Variants in TTC28 observed in about 807,000 individuals in gnomAD.
TTC28 encodes the protein tetratricopeptide repeat protein 28.
Under a neutral mutation model 198.0 loss-of-function variants are expected in TTC28, and 61 were observed. The observed-to-expected ratio is 0.31, with a 90% CI of 0.25 to 0.38. The LOEUF (loss-of-function observed/expected upper bound fraction) is 0.38, where lower values mean the gene tolerates loss of function less well. Ranked by LOEUF, TTC28 falls within the 10% of genes least tolerant of loss-of-function variation. The pLI is 1.00. For missense variants in TTC28, 2,678 were observed against 3,164.0 expected (o/e 0.85, Z 3.69); for synonymous variants, 1,171 against 1,297.8 (o/e 0.90, Z 2.10).
intron 2 of TTC28, among the ~76,000 whole-genome samples, chr22:28,416,409 T>C (rs1424273263): frequency 6.6e-6 from 1 of 152,202 alleles, no homozygotes; most frequent in African/African-American, 2.4e-5. Flanking sequence ...CATGTGTCAA[T>C]CTGATGTGAT....
intron 5 of TTC28, among the ~76,000 whole-genome samples, 175 bp from the exon 6 acceptor site, chr22:28,163,774 C>G (rs1438302089): frequency 6.6e-6 from 1 of 152,194 alleles, no homozygotes; most frequent in African/African-American, 2.4e-5. Flanking sequence ...AACTGAGGTA[C>G]CGGGTTCATC....
At chr22:28,210,946 A>C (rs1926892016) in intron 5 of TTC28, among the ~76,000 whole-genome samples, 1 of 152,206 alleles carries the variant, frequency 6.6e-6, no homozygotes, top group Non-Finnish European at 1.5e-5. Context: ...TCAGGACAGA[A>C]ACTCTACAAG....
At chr22:28,331,198 T>TA (rs1308914858) in intron 2 of TTC28, among the ~76,000 whole-genome samples, 1 of 152,160 alleles carries the variant, frequency 6.6e-6, no homozygotes, top group Non-Finnish European at 1.5e-5. Flanking sequence ...CTGAAGCTGA[T>TA]AAAGGTTAAG....
At chr22:28,543,115 G>A (rs558715308) in intron 2 of TTC28, among the ~76,000 whole-genome samples, 262 of 152,240 alleles carry the variant, frequency 1.7e-3, no homozygotes, top group African/African-American at 6.0e-3. Context: ...TGTGAGGACT[G>A]CTTGAGTCCA....
At chr22:28,261,681 A>G (rs956763279) in intron 5 of TTC28, among the ~76,000 whole-genome samples, 2 of 152,188 alleles carry the variant, frequency 1.3e-5, no homozygotes, top group African/African-American at 2.4e-5. Flanking sequence ...ATGCCTTAGC[A>G]CATTTGAAGC....
At position 28,243,174 on chromosome 22, in the gene TTC28, C is replaced by CAAAAAAAAAAAAAAAAAAAAAAAAAA. The variant is rs754700795; in HGVS notation, c.933+52998_933+53023dup. On this transcript the variant is annotated intron_variant, in intron 5 of 22. Coordinates refer to ENST00000397906, the MANE Select transcript of TTC28 (RefSeq NM_001145418.2). ...GCAACCTGGCAAAACCCCCTCTCTA[C>CAAAAAAAAAAAAAAAAAAAAAAAAAA]AAAAAAAAAAAAAAAAAAAAAAAAA... Among the ~76,000 whole-genome samples the CAAAAAAAAAAAAAAAAAAAAAAAAAA allele has an allele frequency of 2.6e-4, 18 of 68,332 alleles. 1 individual carries two copies. Among genetic ancestry groups the CAAAAAAAAAAAAAAAAAAAAAAAAAA allele is most frequent in the East Asian group, 6.2e-4 (1 of 1,612 alleles). 44.8% of individuals were successfully genotyped at this position (68,332 alleles called of 152,430 possible).
chr22:28,288,731 T>G (rs1458853477), intron 5 of TTC28, among the ~76,000 whole-genome samples: 1 of 150,282 alleles, frequency 6.7e-6, no homozygotes, highest in Non-Finnish European at 1.5e-5. Flanking sequence ...GAGAGTGGCT[T>G]GAACCCAGAA....
chr22:28,166,982 A>C (rs1922046907), intron 5 of TTC28, among the ~76,000 whole-genome samples: 1 of 152,202 alleles, frequency 6.6e-6, no homozygotes, highest in South Asian at 2.1e-4. Context: ...AAAAACGACA[A>C]AGGGGATATG....
chr22:28,131,702 T>C (rs1943063085), intron 6 of TTC28, among the ~76,000 whole-genome samples: 1 of 152,234 alleles, frequency 6.6e-6, no homozygotes, highest in African/African-American at 2.4e-5. Context: ...GTATATTATT[T>C]GCCCTGTCAA....
At chr22:28,186,235 C>T (rs1278962445) in intron 5 of TTC28, among the ~76,000 whole-genome samples, 1 of 152,034 alleles carries the variant, frequency 6.6e-6, no homozygotes, top group Non-Finnish European at 1.5e-5. Flanking sequence ...TAAAAATTAC[C>T]TTTGGAAGAC....
At chr22:28,629,282 A>C (rs185135661) in intron 2 of TTC28, 4 of 385,054 alleles carry the variant, frequency 1.0e-5, no homozygotes, top group African/African-American at 8.2e-5. Flanking sequence ...ACTAGAATGT[A>C]TCTTACTTAT....
At chr22:28,466,696 A>G (rs2048024847) in intron 2 of TTC28, among the ~76,000 whole-genome samples, 1 of 152,086 alleles carries the variant, frequency 6.6e-6, no homozygotes, top group Non-Finnish European at 1.5e-5. Context: ...CCCGCGTCTT[A>G]TGTACTTTAT....
chr22:28,475,611 C>G (rs2048153495), intron 2 of TTC28, among the ~76,000 whole-genome samples: 1 of 152,184 alleles, frequency 6.6e-6, no homozygotes, highest in Non-Finnish European at 1.5e-5. Context: ...CTTAGTTAAT[C>G]AATCCATCAG....
intron 2 of TTC28, among the ~76,000 whole-genome samples, chr22:28,488,786 A>T (rs1302221295): frequency 1.3e-5 from 2 of 152,152 alleles, no homozygotes; most frequent in Non-Finnish European, 2.9e-5. Context: ...CCCTGAAATA[A>T]ATAATCTCCA....
intron 12 of TTC28, among the ~76,000 whole-genome samples, chr22:28,071,295 C>T (rs979310217): frequency 3.3e-5 from 5 of 151,570 alleles, no homozygotes; most frequent in Non-Finnish European, 4.4e-5. Flanking sequence ...ATGTTTATTG[C>T]GGCATTATTC....
intron 5 of TTC28, among the ~76,000 whole-genome samples, chr22:28,194,119 T>C (rs561314002): frequency 5.0e-4 from 76 of 152,222 alleles, no homozygotes; most frequent in African/African-American, 1.8e-3. Context: ...GAACTCAGGA[T>C]TAAGAAACTC....
intron 2 of TTC28, among the ~76,000 whole-genome samples, chr22:28,323,217 T>C (rs1272029669): frequency 6.6e-6 from 1 of 152,130 alleles, no homozygotes; most frequent in African/African-American, 2.4e-5. Flanking sequence ...CTGATGAAGA[T>C]CTACAAGCAT....
intron 5 of TTC28, among the ~76,000 whole-genome samples, chr22:28,295,646 C>G (rs2044879269): frequency 6.6e-6 from 1 of 152,206 alleles, no homozygotes; most frequent in South Asian, 2.1e-4. Context: ...TTCCACTCTG[C>G]AGACAGTCTC....
chr22:28,140,094 C>A lies in TTC28; in HGVS notation c.1441+22998G>T, dbSNP rs192750416. Among the ~76,000 whole-genome samples, 153 of 152,230 alleles carry A rather than the reference C, an allele frequency of 1.0e-3. 1 individual carries two copies. The highest frequency in any genetic ancestry group is 3.5e-3 in the African/African-American group (145 of 41,540). ...GGTGATCTTGGATGTGTGAGTTCCT[C>A]CCCCATAAGGTTGAGAGGGTCTGCT... On this transcript the variant is annotated intron_variant, in intron 6 of 22. Transcript: ENST00000397906.
Sources: allele counts gnomAD v4.1 joint callset (sites outside exome capture counted in the v4.1 genomes callset), GRCh38; gene constraint gnomAD v4.1.1; transcripts MANE v1.5; gene names NCBI Gene and HGNC (gene_info 2026-07-23, HGNC 2026-07-21).